CSMD3: variants seen among roughly 807,000 people sequenced by gnomAD.
CSMD3 encodes CUB and sushi domain-containing protein 3.
A neutral mutation model predicts 435.2 loss-of-function variants in CSMD3; 177 were observed. The observed-to-expected ratio is 0.41, with a 90% confidence interval of 0.36 to 0.46. The LOEUF is 0.46. Ranked by LOEUF, CSMD3 falls within the 20% of genes least tolerant of loss-of-function variation. The pLI is 0.34. For synonymous variants in CSMD3, 1,656 were observed against 1,520.5 expected, an observed-to-expected ratio of 1.09 and a Z score of -2.07; for missense variants, 4,265 against 4,504.6, an observed-to-expected ratio of 0.95 and a Z score of 1.52.
rs114776950 is a variant in CSMD3 at position 113,326,580 on chromosome 8, T to C, written c.179-11787A>G. ...GCTTGTGAAGTACATATTAGTACGC[T>C]CTACATTTTAAAGATGAAGAAATGT... On this transcript the variant is annotated intron_variant, in intron 1 of 70. Coordinates refer to ENST00000297405, the MANE Select transcript of CSMD3 (RefSeq NM_198123.2). Among the ~76,000 whole-genome samples, 1,323 of 152,254 alleles carry C rather than the reference T, an allele frequency of 8.7e-3. 18 individuals are homozygous for C. Among genetic ancestry groups the C allele is most frequent in the African/African-American group, 0.03 (1,239 of 41,578 alleles).
At chr8:113,065,480 G>A (rs2088812662) in intron 5 of CSMD3, among the ~76,000 whole-genome samples, 1 of 152,034 alleles carries the variant, frequency 6.6e-6, no homozygotes, top group Admixed American at 6.6e-5. Context: ...TCCGCCTCCT[G>A]GGTTCACGCC....
At chr8:112,803,151 G>A (rs552562987) in intron 12 of CSMD3, among the ~76,000 whole-genome samples, 2 of 152,230 alleles carry the variant, frequency 1.3e-5, no homozygotes, top group East Asian at 1.9e-4. Flanking sequence ...AGGAAAGATT[G>A]AGAAGAATGG....
At chr8:112,787,247 C>T (rs1354521590) in intron 13 of CSMD3, among the ~76,000 whole-genome samples, 1 of 151,934 alleles carries the variant, frequency 6.6e-6, no homozygotes, top group African/African-American at 2.4e-5. Context: ...TAGCATCTAC[C>T]CAGTAATGGG....
chr8:112,874,872 A>G (rs766728410), intron 10 of CSMD3, among the ~76,000 whole-genome samples: 5 of 152,158 alleles, frequency 3.3e-5, no homozygotes, highest in African/African-American at 4.8e-5. Flanking sequence ...TCTTTATCCA[A>G]TCTGCCAGTC....
intron 4 of CSMD3, among the ~76,000 whole-genome samples, chr8:113,103,273 C>A (rs1484575883): frequency 6.6e-6 from 1 of 152,076 alleles, no homozygotes; most frequent in Non-Finnish European, 1.5e-5. Context: ...GCTTAACATA[C>A]AGATAATACA....
At chr8:112,383,428 A>G (rs1829651729) in intron 37 of CSMD3, 139 bp downstream of exon 37, 2 of 630,222 alleles carry the variant, frequency 3.2e-6, no homozygotes, top group East Asian at 5.6e-5. Flanking sequence ...AATCTTTTAA[A>G]CTTCAGTCCT....
At chr8:113,396,827 T>A (rs1184181869) in intron 1 of CSMD3, among the ~76,000 whole-genome samples, 1 of 152,098 alleles carries the variant, frequency 6.6e-6, no homozygotes, top group African/African-American at 2.4e-5. Flanking sequence ...TTATAACACA[T>A]CACTACCAGA....
intron 12 of CSMD3, among the ~76,000 whole-genome samples, chr8:112,815,196 G>T (rs2079339813): frequency 6.6e-6 from 1 of 151,994 alleles, no homozygotes; most frequent in African/African-American, 2.4e-5. Context: ...AAATCAAAAT[G>T]TATAAAGCAT....
chr8:113,040,881 A>G (rs2087578764), intron 5 of CSMD3, among the ~76,000 whole-genome samples: 1 of 152,018 alleles, frequency 6.6e-6, no homozygotes, highest in African/African-American at 2.4e-5. Context: ...CCCCCCACAC[A>G]CCAAGGTTTA....
chr8:112,666,204 A>T (rs2075520771), intron 17 of CSMD3, 73 bp downstream of exon 17: 1 of 1,167,660 alleles, frequency 8.6e-7, no homozygotes, highest in South Asian at 1.3e-5. Flanking sequence ...TTCATTTGGT[A>T]AATGCAAAAG....
intron 3 of CSMD3, among the ~76,000 whole-genome samples, chr8:113,175,055 A>C (rs960809278): frequency 2.6e-5 from 4 of 152,020 alleles, no homozygotes; most frequent in African/African-American, 9.6e-5. Context: ...TTGTGCAGTT[A>C]CTAAATTCTA....
At chr8:112,267,459 C>T (rs973418360) in intron 59 of CSMD3, among the ~76,000 whole-genome samples, 5 of 151,764 alleles carry the variant, frequency 3.3e-5, no homozygotes, top group African/African-American at 4.8e-5. Flanking sequence ...ACCGACAATA[C>T]GTCATCTCTT....
chr8:113,384,901 T>G (rs1385485221), intron 1 of CSMD3, among the ~76,000 whole-genome samples: 7 of 151,920 alleles, frequency 4.6e-5, no homozygotes, highest in African/African-American at 1.7e-4. Flanking sequence ...CAAAACAGAG[T>G]CTAAATTTGT....
chr8:112,974,789 T>C (rs947083182), intron 7 of CSMD3, among the ~76,000 whole-genome samples: 1 of 151,872 alleles, frequency 6.6e-6, no homozygotes, highest in Admixed American at 6.6e-5. Context: ...TTAATGTATG[T>C]AAAGATGTCT....
chr8:112,235,662 T>C (rs550617363), intron 67 of CSMD3, among the ~76,000 whole-genome samples: 17 of 152,302 alleles, frequency 1.1e-4, no homozygotes, highest in Non-Finnish European at 2.2e-4. Flanking sequence ...CTTGACTGTA[T>C]TCATTCATTC....
At chr8:113,117,693 A>G (rs567531333) in intron 4 of CSMD3, among the ~76,000 whole-genome samples, 1 of 152,186 alleles carries the variant, frequency 6.6e-6, no homozygotes, top group Non-Finnish European at 1.5e-5. Context: ...GGTGTTGTAC[A>G]CTACAAAGCC....
chr8:112,310,918 C>G (rs1186113435), intron 50 of CSMD3, 60 bp downstream of exon 50: 1 of 1,404,824 alleles, frequency 7.1e-7, no homozygotes, highest in East Asian at 2.3e-5. Flanking sequence ...CAAATAAAAA[C>G]GTTAAATGGT....
intron 59 of CSMD3, among the ~76,000 whole-genome samples, chr8:112,273,986 AG>A (rs1345123478): frequency 1.3e-5 from 2 of 151,948 alleles, no homozygotes; most frequent in Non-Finnish European, 2.9e-5. Context: ...TTAGCTAAAA[AG>A]GATATGAGGA....
At chr8:112,472,901 T>C (rs1818671490) in intron 31 of CSMD3, among the ~76,000 whole-genome samples, 194 bp from the exon 32 acceptor site, 1 of 152,194 alleles carries the variant, frequency 6.6e-6, no homozygotes, top group South Asian at 2.1e-4. Flanking sequence ...TTTATAAGTA[T>C]TCAAATTTAC....
Sources: allele counts gnomAD v4.1 joint callset (sites outside exome capture counted in the v4.1 genomes callset), GRCh38; gene constraint gnomAD v4.1.1; transcripts MANE v1.5; gene names NCBI Gene and HGNC (gene_info 2026-07-23, HGNC 2026-07-21).